The following ZNF230 variants were observed in gnomAD, a reference collection of about 807,000 sequenced individuals.
ZNF230 encodes zinc finger protein 230, also known as zinc finger protein FDZF2.
Under a neutral mutation model 10.0 loss-of-function variants are expected in ZNF230, and 12 were observed. The ratio of observed to expected loss-of-function variants is 1.20; its 90% CI spans 0.77 to 1.95. The LOEUF is 1.95. Ranked by LOEUF, ZNF230 falls within the 30% of genes most tolerant of loss-of-function variation. The pLI, the probability that ZNF230 is intolerant of heterozygous loss-of-function variation, is 0.00. For missense variants in ZNF230, 532 were observed against 565.8 expected (o/e 0.94, Z 0.61); for synonymous variants, 174 against 193.6 (o/e 0.90, Z 0.84).
intron 1 of ZNF230, 49 bp from the exon 2 acceptor site, chr19:44,006,962 C>T (rs10418749): frequency 1.3e-5 from 11 of 840,844 alleles, no homozygotes; most frequent in Admixed American, 2.0e-5. Context: ...ACACAGCCTC[C>T]CCAGCCACCA....
In ZNF230 at chr19:44,012,556, A is replaced by G. The variant is rs79057811; in HGVS notation, c.*1092A>G. On this transcript the variant is annotated 3_prime_UTR_variant, in exon 5 of 5. Coordinates refer to ENST00000429154, the MANE Select transcript of ZNF230 (RefSeq NM_006300.4). ...AGAACTTACGCTTGTCATTCAGGAG[A>G]CAGGCCTTAGAATAAGAGTTTGTTC... The G allele has an allele frequency of 8.1e-3, 3,997 of 495,550 alleles. 103 individuals carry two copies. Among genetic ancestry groups the G allele is most frequent in the South Asian group, 0.044 (2,984 of 67,676 alleles). The allele number at this position is 495,550 out of a possible 1,614,324, so 30.7% of individuals were successfully genotyped here.
Position 44,011,587 on chromosome 19 carries a change from CA to C in ZNF230, c.*127del. 1 of 1,066,428 alleles carries C rather than the reference CA, an allele frequency of 9.4e-7. No individual in the cohort carries two copies. The allele number at this position is 1,066,428 out of a possible 1,614,324, so 66.1% of individuals were successfully genotyped here. A position where few individuals can be genotyped will look rare whatever the true frequency, so the allele number is the denominator to read the frequency against. On this transcript the variant is annotated 3_prime_UTR_variant, in exon 5 of 5. Transcript: ENST00000429154. ...AACATTTCTTTGTTTTGGGAAAATT[CA>C]AAATCCATTGTTCTAGCGATTTGAA... is the stretch of plus-strand genomic sequence containing the variant.
chr19:44,011,601 C>A lies in ZNF230; in HGVS notation c.*137C>A. 1.1e-6 allele frequency: 1 copy of A among 949,946 alleles called. No individual in the cohort carries two copies. The highest frequency in any genetic ancestry group is 1.5e-6 in the Non-Finnish European group (1 of 659,452). 58.8% of individuals were successfully genotyped at this position (949,946 alleles called of 1,614,324 possible). ...TTGGGAAAATTCAAAATCCATTGTTCTAGCGATTTGAAAAGAAACAATAAA... is the reference window on the plus strand; with the variant it reads ...TTGGGAAAATTCAAAATCCATTGTTATAGCGATTTGAAAAGAAACAATAAA... On this transcript the variant is annotated 3_prime_UTR_variant, in exon 5 of 5. Transcript: ENST00000429154.
chr19:44,007,451 C>T (rs1976133688), intron 2 of ZNF230, among the ~76,000 whole-genome samples: 1 of 152,154 alleles, frequency 6.6e-6, no homozygotes, highest in South Asian at 2.1e-4. Flanking sequence ...GTGCTCTATA[C>T]ACCAAGATAA....
intron 1 of ZNF230, 65 bp from the exon 2 acceptor site, chr19:44,006,946 G>T (rs1976129146): frequency 1.4e-6 from 1 of 716,298 alleles, no homozygotes; most frequent in Non-Finnish European, 2.4e-6. Flanking sequence ...ACATGTGCTT[G>T]TTGCTACACA....
Position 44,002,997 on chromosome 19 carries a change from C to T in ZNF230, c.-179C>T, listed in dbSNP as rs900188708. 1.3e-5 allele frequency: 2 copies of T among 152,130 alleles called. No individual in the cohort carries two copies. Among genetic ancestry groups the T allele is most frequent in the African/African-American group, 4.8e-5 (2 of 41,414 alleles). 9.4% of individuals were successfully genotyped at this position (152,130 alleles called of 1,614,324 possible). A position where few individuals can be genotyped will look rare whatever the true frequency, so the allele number is the denominator to read the frequency against. On this transcript the variant is annotated 5_prime_UTR_variant, in exon 1 of 5. Coordinates refer to ENST00000429154, the MANE Select transcript of ZNF230 (RefSeq NM_006300.4). The stretch of plus-strand genomic sequence containing the variant: ...TGCTACATAACCGCGTAGTTTGAGC[C>T]ATTTCTGCGTCTGGCGGGTCCTTCT...
intron 2 of ZNF230, among the ~76,000 whole-genome samples, chr19:44,007,787 C>G (rs1254326291): frequency 6.6e-6 from 1 of 152,178 alleles, no homozygotes; most frequent in African/African-American, 2.4e-5. Context: ...GCTGTCCAGC[C>G]TGCGCCCCCA....
rs771662406 is a variant in ZNF230 at position 44,011,133 on chromosome 19, GA to G, written c.1095del (p.Arg365SerfsTer44). On this transcript the variant is annotated frameshift_variant, in exon 5 of 5. Transcript: ENST00000429154. LOFTEE classifies it low-confidence loss of function (END_TRUNC). The part of the protein sequence containing the change: ...QRIHSGEKPY[R>X]CEECGKGYIS... ...ATCCACAGTGGAGAAAAACCATACA[GA>G]TGTGAGGAGTGTGGGAAGGGCTACA... 5 of 1,614,174 alleles carry G rather than the reference GA, an allele frequency of 3.1e-6. No individual in the cohort carries two copies. The South Asian group carries it at 5.5e-5, about 18-fold the overall frequency.
chr19:44,009,091 A>G lies in ZNF230; in HGVS notation c.150A>G (p.Gln50=). 4 of 1,614,176 alleles carry G rather than the reference A, an allele frequency of 2.5e-6. No individual in the cohort carries two copies. The highest frequency in any genetic ancestry group is 3.4e-6 in the Non-Finnish European group (4 of 1,180,010). The part of the protein sequence containing the change: ...NFTNLLSVGH[Q]PFHPFHFLRE... Reference sequence around the variant, plus strand: ...GACTTTGCATGTTCACAGGGCATCAACCATTCCACCCTTTCCACTTCCTAA... The same window carrying G: ...GACTTTGCATGTTCACAGGGCATCAGCCATTCCACCCTTTCCACTTCCTAA... Residue 50 remains glutamine (Q), a synonymous_variant, in exon 4 of 5, where the codon CAA becomes CAG. Coordinates refer to ENST00000429154, the MANE Select transcript of ZNF230 (RefSeq NM_006300.4).
In ZNF230 at chr19:44,004,725, CAAAAAAAAAAAA is replaced by C. The variant is rs754318339; in HGVS notation, c.-69+1627_-69+1638del. ...CCAGCCTGGGCAACAGAGTGAGACT[CAAAAAAAAAAAA>C]AAAAAAAAGAATAAACTAGTGAACT... On this transcript the variant is annotated intron_variant, in intron 1 of 4. Coordinates refer to ENST00000429154, the MANE Select transcript of ZNF230 (RefSeq NM_006300.4). 5 of 63,064 alleles carry C rather than the reference CAAAAAAAAAAAA, an allele frequency of 7.9e-5. No homozygotes were observed. In the Admixed American group the frequency reaches 8.4e-4, roughly 11 times the overall value. 3.9% of individuals were successfully genotyped at this position (63,064 alleles called of 1,614,324 possible). A position where few individuals can be genotyped will look rare whatever the true frequency, so the allele number is the denominator to read the frequency against.
intron 4 of ZNF230, 134 bp downstream of exon 4, chr19:44,009,304 G>A: frequency 9.9e-7 from 1 of 1,008,042 alleles, no homozygotes; most frequent in Non-Finnish European, 1.5e-6. Flanking sequence ...CCCCTTTCTG[G>A]CTGGTGGTCC....
rs1029189799 is a variant in ZNF230 at position 44,011,003 on chromosome 19, G to C, written c.964G>C (p.Asp322His). The C allele has an allele frequency of 6.2e-7, 1 of 1,614,206 alleles. No homozygotes were observed. Among genetic ancestry groups the C allele is most frequent in the Admixed American group, 1.7e-5 (1 of 60,020 alleles). ...TGGAAAAGGCTTCACTGATAGCCTA[G>C]ATTTGCATAAGCATCAGATAATTCA... ...ECGKGFTDSL[D>H]LHKHQIIHTG... Residue 322 changes from aspartate (D) to histidine (H), a missense_variant, in exon 5 of 5, where the codon GAT becomes CAT. Transcript: ENST00000429154.
At position 44,013,861 on chromosome 19, in the gene ZNF230, A is replaced by G. The variant is rs1262563142; in HGVS notation, c.*2397A>G. 6.6e-6 allele frequency: 1 copy of G among 152,204 alleles called. No individual in the cohort carries two copies. The highest frequency in any genetic ancestry group is 2.4e-5 in the African/African-American group (1 of 41,450). The allele number at this position is 152,204 out of a possible 1,614,324, so 9.4% of individuals were successfully genotyped here. A position where few individuals can be genotyped will look rare whatever the true frequency, so the allele number is the denominator to read the frequency against. On this transcript the variant is annotated 3_prime_UTR_variant, in exon 5 of 5. Coordinates refer to ENST00000429154, the MANE Select transcript of ZNF230 (RefSeq NM_006300.4). ...TTTAGTGCAATAAATTTGCAAACTT[A>G]TTAACGTTAATCACTTACCTACCAG...
intron 2 of ZNF230, among the ~76,000 whole-genome samples, chr19:44,007,374 T>C (rs1232691069): frequency 6.6e-6 from 1 of 152,262 alleles, no homozygotes; most frequent in African/African-American, 2.4e-5. Context: ...CTGATTTTTC[T>C]TCTTGTGCTG....
chr19:44,007,510 C>T (rs1207171308), intron 2 of ZNF230, among the ~76,000 whole-genome samples: 1 of 152,122 alleles, frequency 6.6e-6, no homozygotes, highest in Admixed American at 6.5e-5. Context: ...AGTTAGTCCC[C>T]CTTTCTGTGG....
chr19:44,007,814 C>T (rs1181045274), intron 2 of ZNF230, among the ~76,000 whole-genome samples: 1 of 152,222 alleles, frequency 6.6e-6, no homozygotes, highest in Non-Finnish European at 1.5e-5. Context: ...CATCACAGCA[C>T]TGGGCCAATT....
At position 44,010,852 on chromosome 19, in the gene ZNF230, G is replaced by T; in HGVS notation, c.813G>T (p.Gln271His). The stretch of plus-strand genomic sequence containing the variant: ...ACGATTTCCAGCTTCAGAAACATCA[G>T]ATAATTCATACTGGGGAGAAGCCGT... Reference protein sequence around the residue: ...FIHDFQLQKHQIIHTGEKPFK... With the variant: ...FIHDFQLQKHHIIHTGEKPFK... The change falls in exon 5 of 5, where the codon CAG becomes CAT. Residue 271 changes from glutamine to histidine, a missense_variant. Physicochemically the swap from Gln to His is conservative, Grantham distance 24 (BLOSUM62 0). Transcript: ENST00000429154. The T allele has an allele frequency of 6.2e-7, 1 of 1,614,212 alleles. No homozygotes were observed. Among genetic ancestry groups the T allele is most frequent in the Non-Finnish European group, 8.5e-7 (1 of 1,180,034 alleles).
At position 44,011,664 on chromosome 19, in the gene ZNF230, A is replaced by G; in HGVS notation, c.*200A>G. 3.6e-6 allele frequency: 2 copies of G among 563,178 alleles called. No homozygotes were observed. The highest frequency in any genetic ancestry group is 2.3e-5 in the South Asian group (1 of 43,684). The allele number at this position is 563,178 out of a possible 1,614,324, so 34.9% of individuals were successfully genotyped here. A position where few individuals can be genotyped will look rare whatever the true frequency, so the allele number is the denominator to read the frequency against. ...ATAGTCACCTTTGGTGCTTTAGAAC[A>G]CTAGAATGTATTTCTCCTATCTAGC... On this transcript the variant is annotated 3_prime_UTR_variant, in exon 5 of 5. Transcript: ENST00000429154.
At chr19:44,003,590 G>A (rs1019219022) in intron 1 of ZNF230, 3 of 158,200 alleles carry the variant, frequency 1.9e-5, no homozygotes, top group Non-Finnish European at 2.8e-5. Context: ...TTAGGAAAGC[G>A]AGTTGCGTCC....
Sources: gnomAD v4.1 joint callset for allele counts (sites outside exome capture counted in the v4.1 genomes callset) on GRCh38, gnomAD v4.1.1 for gene constraint, MANE v1.5 for transcripts, NCBI Gene and HGNC (gene_info 2026-07-23, HGNC 2026-07-21) for gene names.